The following SDHAF4 variants were observed in gnomAD, a reference collection of about 807,000 sequenced individuals.
SDHAF4 encodes succinate dehydrogenase complex assembly factor 4.
In SDHAF4, 14 loss-of-function variants were observed where a neutral mutation model predicts 14.3. The ratio of observed to expected loss-of-function variants is 0.98; its 90% CI spans 0.65 to 1.53. The LOEUF is 1.53. SDHAF4 is among the 40% of genes most tolerant of loss of function. SDHAF4 has a pLI of 0.00. For synonymous variants in SDHAF4, 63 were observed against 47.3 expected, an observed-to-expected ratio of 1.33 and a Z score of -1.36; for missense variants, 141 against 129.3, an observed-to-expected ratio of 1.09 and a Z score of -0.44.
intron 1 of SDHAF4, among the ~76,000 whole-genome samples, chr6:70,573,970 C>A (rs1802218703): frequency 6.6e-6 from 1 of 151,714 alleles, no homozygotes; most frequent in Non-Finnish European, 1.5e-5. Context: ...GCCACTGTGC[C>A]CAGCCTAAAA....
At position 70,566,946 on chromosome 6, in the gene SDHAF4, C is replaced by T; in HGVS notation, c.6C>T (p.Thr2=). The T allele has an allele frequency of 8.8e-6, 14 of 1,585,900 alleles. No homozygotes were observed. Among genetic ancestry groups the T allele is most frequent in the South Asian group, 1.2e-5 (1 of 86,676 alleles). M[T]PSRLPWLLSW... ...AGGCTCGGGGAGTCGGCGCCATGAC[C>T]CCATCGAGGCTTCCCTGGTTGCTTA... The change falls in exon 1 of 3, where the codon ACC becomes ACT. Residue 2 remains threonine, a synonymous_variant. Coordinates refer to ENST00000370474, the MANE Select transcript of SDHAF4 (RefSeq NM_145267.3).
At position 70,579,421 on chromosome 6, in the gene SDHAF4, C is replaced by T; in HGVS notation, c.72C>T (p.Pro24=). 6.3e-7 allele frequency: 1 copy of T among 1,591,222 alleles called. No homozygotes were observed. Among genetic ancestry groups the T allele is most frequent in the Non-Finnish European group, 8.6e-7 (1 of 1,168,610 alleles). The change falls in exon 2 of 3, where the codon CCC becomes CCT. Residue 24 remains proline, a synonymous_variant. Transcript: ENST00000370474. ...SATAWRAARS[P]LLCHSLRKTS... is the part of the protein sequence containing the mutation. ...TTATCTCCACTCTTCTAGGATCACC[C>T]CTTCTGTGTCATTCTCTGAGGAAAA...
rs9446270 is a variant in SDHAF4 at position 70,589,087 on chromosome 6, C to T, written c.*363C>T. On this transcript the variant is annotated 3_prime_UTR_variant, in exon 3 of 3. Coordinates refer to ENST00000370474, the MANE Select transcript of SDHAF4 (RefSeq NM_145267.3). ...TGCACTCCAGCCTGGGCAACAAGAG[C>T]GAAACTCCGTCTCAAAAAAAAAGAT... 0.021 allele frequency: 3,214 copies of T among 152,132 alleles called. 107 individuals are homozygous for T. Among genetic ancestry groups the T allele is most frequent in the African/African-American group, 0.07 (2,857 of 40,936 alleles). The allele number at this position is 152,132 out of a possible 1,614,324, so 9.4% of individuals were successfully genotyped here. A position where few individuals can be genotyped will look rare whatever the true frequency, so the allele number is the denominator to read the frequency against.
chr6:70,572,455 A>T (rs1176168646), intron 1 of SDHAF4, among the ~76,000 whole-genome samples: 1 of 152,198 alleles, frequency 6.6e-6, no homozygotes, highest in Non-Finnish European at 1.5e-5. Context: ...AATAATAGAT[A>T]TGTGAGTTAA....
chr6:70,582,037 T>A (rs775104511), intron 2 of SDHAF4, among the ~76,000 whole-genome samples: 3 of 152,172 alleles, frequency 2.0e-5, no homozygotes, highest in Non-Finnish European at 4.4e-5. Context: ...CCCCTAAGTA[T>A]TCCAAGGGAG....
At chr6:70,574,198 G>A (rs544855217) in intron 1 of SDHAF4, among the ~76,000 whole-genome samples, 56 of 152,116 alleles carry the variant, frequency 3.7e-4, no homozygotes, top group Middle Eastern at 6.8e-3. Flanking sequence ...GCACATGCCT[G>A]TAATCCCAGC....
intron 1 of SDHAF4, among the ~76,000 whole-genome samples, chr6:70,573,264 C>CTTTTTTTTTTTTTTTTTTTT (rs202098262): frequency 7.2e-5 from 8 of 110,454 alleles, no homozygotes; most frequent in African/African-American, 1.4e-4. Context: ...GCTATTTGGC[C>CTTTTTTTTTTTTTTTTTTTT]TTTTTTTTTT....
At chr6:70,585,944 G>A (rs1765189900) in intron 2 of SDHAF4, among the ~76,000 whole-genome samples, 1 of 152,168 alleles carries the variant, frequency 6.6e-6, no homozygotes, top group Admixed American at 6.5e-5. Flanking sequence ...AAAGCCGTAT[G>A]CCTTTTCTTC....
chr6:70,592,943 G>A (rs1581934876), downstream of SDHAF4, among the ~76,000 whole-genome samples: 1 of 152,208 alleles, frequency 6.6e-6, no homozygotes, highest in East Asian at 1.9e-4. Flanking sequence ...AATCTTTGAA[G>A]CTGCCCCTCC....
chr6:70,580,988 G>T (rs1244943620), intron 2 of SDHAF4, among the ~76,000 whole-genome samples: 1 of 152,102 alleles, frequency 6.6e-6, no homozygotes, highest in East Asian at 1.9e-4. Context: ...CTGGAGTGCA[G>T]TGGCACACTC....
intron 1 of SDHAF4, among the ~76,000 whole-genome samples, chr6:70,569,111 G>A (rs1322638060): frequency 8.6e-5 from 13 of 150,944 alleles, no homozygotes; most frequent in East Asian, 1.9e-4. Flanking sequence ...GACTACAGGC[G>A]CGCGCCACCA....
At chr6:70,593,011 A>C (rs1453237698), downstream of SDHAF4, among the ~76,000 whole-genome samples, 1 of 152,180 alleles carries the variant, frequency 6.6e-6, no homozygotes, top group Non-Finnish European at 1.5e-5. Flanking sequence ...GGCCCAGGGC[A>C]CTCTCTAAGG....
intron 1 of SDHAF4, among the ~76,000 whole-genome samples, chr6:70,574,885 G>GATTCTT (rs1802231749): frequency 6.6e-6 from 1 of 152,034 alleles, no homozygotes. Context: ...CCATGATTCT[G>GATTCTT]CCACTACACT....
intron 2 of SDHAF4, among the ~76,000 whole-genome samples, chr6:70,581,385 C>T (rs1205939625): frequency 2.6e-5 from 4 of 152,094 alleles, no homozygotes; most frequent in South Asian, 2.1e-4. Flanking sequence ...AGGCATTCAA[C>T]GTAAGTCTTG....
At chr6:70,585,778 A>G (rs1388838092) in intron 2 of SDHAF4, among the ~76,000 whole-genome samples, 1 of 152,206 alleles carries the variant, frequency 6.6e-6, no homozygotes, top group African/African-American at 2.4e-5. Flanking sequence ...AGAATAAAAG[A>G]ATGAATATTT....
intron 1 of SDHAF4, among the ~76,000 whole-genome samples, chr6:70,572,380 A>G (rs1388631435): frequency 6.6e-6 from 1 of 152,134 alleles, no homozygotes; most frequent in Non-Finnish European, 1.5e-5. Context: ...TGGTGACTAT[A>G]GTTAATATCA....
At chr6:70,568,548 A>T (rs1316062551) in intron 1 of SDHAF4, among the ~76,000 whole-genome samples, 2 of 152,166 alleles carry the variant, frequency 1.3e-5, no homozygotes, top group Non-Finnish European at 2.9e-5. Context: ...GGTTGTAGTT[A>T]TTCATTCAAC....
the SDHAF4 span, among the ~76,000 whole-genome samples, chr6:70,597,635 G>A: frequency 1.3e-5 from 2 of 152,260 alleles, no homozygotes; most frequent in South Asian, 4.1e-4. Flanking sequence ...TAAGTTTAAT[G>A]AGACTATCAC....
intron 1 of SDHAF4, among the ~76,000 whole-genome samples, chr6:70,574,048 C>T (rs950295300): frequency 4.0e-5 from 6 of 148,876 alleles, no homozygotes; most frequent in Non-Finnish European, 4.5e-5. Context: ...TGGCTGGGCA[C>T]GGTGGCTCAT....
Sources: allele counts gnomAD v4.1 joint callset (sites outside exome capture counted in the v4.1 genomes callset), GRCh38; gene constraint gnomAD v4.1.1; transcripts MANE v1.5; gene names NCBI Gene and HGNC (gene_info 2026-07-23, HGNC 2026-07-21).